The following PLCB4 variants were observed in gnomAD, a reference collection of about 807,000 sequenced individuals.
The protein encoded by PLCB4 is phospholipase C beta 4, also known as 1-phosphatidylinositol 4,5-bisphosphate phosphodiesterase beta-4.
PLCB4 carries 77 observed loss-of-function variants against 178.8 expected under a neutral mutation model. That is an observed-to-expected ratio of 0.43 (90% CI 0.36 to 0.52). The LOEUF is 0.52. Ranked by LOEUF, PLCB4 falls within the 20% of genes least tolerant of loss-of-function variation. The pLI is 0.00. For missense variants in PLCB4, 1,024 were observed against 1,453.4 expected, an observed-to-expected ratio of 0.70 and a Z score of 4.80; for synonymous variants, 496 against 490.8, an observed-to-expected ratio of 1.01 and a Z score of -0.14.
rs2089428225 is a variant in PLCB4, at chr20:9,069,117, ACGGG to A, written c.-221_-218del. ...CAGACACACACACGCACACGCACAC[ACGGG>A]CGCGCACACACACGCGCGTACACAC... On this transcript the variant is annotated 5_prime_UTR_variant, in exon 1 of 40. Coordinates refer to ENST00000378473, the MANE Select transcript of PLCB4 (RefSeq NM_001377142.1). 1 of 152,968 alleles carries A rather than the reference ACGGG, an allele frequency of 6.5e-6. No individual in the cohort carries two copies. Among genetic ancestry groups the A allele is most frequent in the African/African-American group, 2.4e-5 (1 of 41,438 alleles). 9.5% of individuals were successfully genotyped at this position (152,968 alleles called of 1,614,324 possible). A position where few individuals can be genotyped will look rare whatever the true frequency, so the allele number is the denominator to read the frequency against.
intron 35 of PLCB4, among the ~76,000 whole-genome samples, chr20:9,468,082 C>G (rs559596233): frequency 3.5e-4 from 53 of 152,266 alleles, no homozygotes; most frequent in African/African-American, 1.2e-3. Flanking sequence ...TTTTCTCTCT[C>G]TCTTCCAGCC....
At chr20:9,078,278 G>C (rs1292195635) in intron 1 of PLCB4, among the ~76,000 whole-genome samples, 2 of 152,126 alleles carry the variant, frequency 1.3e-5, no homozygotes, top group African/African-American at 2.4e-5. Flanking sequence ...ACTGCGTCTG[G>C]CCTGGCTATG....
intron 3 of PLCB4, among the ~76,000 whole-genome samples, chr20:9,264,283 T>C (rs1399979123): frequency 6.6e-6 from 1 of 152,214 alleles, no homozygotes; most frequent in Non-Finnish European, 1.5e-5. Flanking sequence ...TAAAAGGCCC[T>C]GGGAACTAAT....
intron 2 of PLCB4, among the ~76,000 whole-genome samples, chr20:9,180,251 T>C (rs558079641): frequency 1.3e-5 from 2 of 152,308 alleles, no homozygotes; most frequent in East Asian, 3.9e-4. Context: ...TTATTATGGA[T>C]AATAAAAATG....
At chr20:9,127,876 G>A (rs1363256746) in intron 2 of PLCB4, among the ~76,000 whole-genome samples, 2 of 152,030 alleles carry the variant, frequency 1.3e-5, no homozygotes, top group African/African-American at 2.4e-5. Context: ...TAGTAGAGAC[G>A]GGGTTTTATC....
intron 4 of PLCB4, among the ~76,000 whole-genome samples, chr20:9,335,413 G>T (rs1401071987): frequency 6.6e-6 from 1 of 152,060 alleles, no homozygotes; most frequent in Admixed American, 6.6e-5. Flanking sequence ...ACTCTGCCTG[G>T]CATGAAGATT....
In PLCB4 at chr20:9,213,128, C is replaced by CTTTTTTTTTTT. The variant is rs56785951; in HGVS notation, c.-78-4242_-78-4232dup. Among the ~76,000 whole-genome samples, 20 of 35,726 alleles carry CTTTTTTTTTTT rather than the reference C, an allele frequency of 5.6e-4. 1 individual carries two copies. Among genetic ancestry groups the CTTTTTTTTTTT allele is most frequent in the Admixed American group, 1.9e-3 (4 of 2,060 alleles). The allele number at this position is 35,726 out of a possible 152,430, so 23.4% of individuals were successfully genotyped here. ...TGCTTGGCTTCTCTCCGTTAGCATA[C>CTTTTTTTTTTT]TTTTTTTTTTTTTTTTTTTTTTTTT... On this transcript the variant is annotated intron_variant, in intron 2 of 39. Transcript: ENST00000378473.
intron 32 of PLCB4, among the ~76,000 whole-genome samples, chr20:9,450,256 G>A (rs1483465350): frequency 6.6e-6 from 1 of 152,108 alleles, no homozygotes; most frequent in Admixed American, 6.6e-5. Context: ...ACCAATAATG[G>A]ACATTTTTTT....
intron 25 of PLCB4, among the ~76,000 whole-genome samples, chr20:9,415,960 C>A (rs1261761899): frequency 6.6e-6 from 1 of 152,192 alleles, no homozygotes; most frequent in East Asian, 1.9e-4. Context: ...CTCAGACCGC[C>A]TTGGACCCAG....
At chr20:9,298,597 C>T (rs2094667339) in intron 3 of PLCB4, among the ~76,000 whole-genome samples, 1 of 151,978 alleles carries the variant, frequency 6.6e-6, no homozygotes, top group African/African-American at 2.4e-5. Context: ...ATTTATAAAC[C>T]TGGATCTTCA....
chr20:9,418,146 C>G (rs2040382627), intron 25 of PLCB4, among the ~76,000 whole-genome samples: 2 of 152,002 alleles, frequency 1.3e-5, no homozygotes, highest in South Asian at 4.1e-4. Context: ...TTCATAGTGT[C>G]TTTTGAAGCA....
chr20:9,448,069 ACTC>A (rs1221666365), intron 32 of PLCB4, among the ~76,000 whole-genome samples: 1 of 151,920 alleles, frequency 6.6e-6, no homozygotes, highest in Non-Finnish European at 1.5e-5. Context: ...TTTTAGATAA[ACTC>A]CTCTCCTCTG....
intron 2 of PLCB4, among the ~76,000 whole-genome samples, chr20:9,214,041 C>G (rs2093701674): frequency 6.6e-6 from 1 of 152,128 alleles, no homozygotes; most frequent in South Asian, 2.1e-4. Context: ...AGTTCTTTAT[C>G]AGATTTCCTG....
chr20:9,091,968 C>G (rs1482979263), intron 1 of PLCB4, among the ~76,000 whole-genome samples: 1 of 151,982 alleles, frequency 6.6e-6, no homozygotes, highest in Non-Finnish European at 1.5e-5. Flanking sequence ...TATGTTGTAT[C>G]AAGAGAGATC....
intron 2 of PLCB4, among the ~76,000 whole-genome samples, chr20:9,117,003 G>A (rs1157166127): frequency 6.6e-6 from 1 of 152,140 alleles, no homozygotes; most frequent in African/African-American, 2.4e-5. Context: ...TGGTGTATAC[G>A]AAAGCGTTGG....
chr20:9,435,465 A>C (rs2041705871), intron 28 of PLCB4, 95 bp from the exon 29 acceptor site: 1 of 720,400 alleles, frequency 1.4e-6, no homozygotes, highest in Non-Finnish European at 2.4e-6. Context: ...AAAGCACAAC[A>C]GGTATCCAGG....
At chr20:9,071,735 A>C (rs540213770) in intron 1 of PLCB4, among the ~76,000 whole-genome samples, 28 of 152,338 alleles carry the variant, frequency 1.8e-4, no homozygotes, top group African/African-American at 6.5e-4. Flanking sequence ...AATGTAAGAA[A>C]GATTTTGGAT....
At chr20:9,255,624 G>C (rs1366532842) in intron 3 of PLCB4, among the ~76,000 whole-genome samples, 1 of 150,884 alleles carries the variant, frequency 6.6e-6, no homozygotes, top group Non-Finnish European at 1.5e-5. Flanking sequence ...CACTTAGAGT[G>C]AATAGCCATA....
At chr20:9,282,591 C>G (rs1332559571) in intron 3 of PLCB4, among the ~76,000 whole-genome samples, 3 of 152,032 alleles carry the variant, frequency 2.0e-5, no homozygotes, top group African/African-American at 4.8e-5. Context: ...ACAGTGCCCA[C>G]TTACTCACTA....
Sources: gnomAD v4.1 joint callset for allele counts (sites outside exome capture counted in the v4.1 genomes callset) on GRCh38, gnomAD v4.1.1 for gene constraint, MANE v1.5 for transcripts, NCBI Gene and HGNC (gene_info 2026-07-23, HGNC 2026-07-21) for gene names.